Variants in SGCE observed in about 807,000 individuals in gnomAD.
SGCE encodes sarcoglycan epsilon.
In SGCE, 26 loss-of-function variants were observed where a neutral mutation model predicts 57.8. The observed-to-expected ratio is 0.45, with a 90% CI of 0.33 to 0.62. The LOEUF (loss-of-function observed/expected upper bound fraction) is 0.62. SGCE is among the 20% of genes least tolerant of loss of function. The pLI is 0.02. For synonymous variants in SGCE, 183 were observed against 189.5 expected (o/e 0.97, Z 0.28); for missense variants, 468 against 548.6 (o/e 0.85, Z 1.47).
intron 5 of SGCE, among the ~76,000 whole-genome samples, chr7:94,607,535 A>T (rs1363703579): frequency 2.0e-5 from 3 of 152,312 alleles, no homozygotes; most frequent in South Asian, 4.1e-4. Context: ...CAACAGGCTA[A>T]AGAAGAAAAA....
chr7:94,621,372 C>T (rs1802743310), intron 4 of SGCE: 1 of 152,344 alleles, frequency 6.6e-6, no homozygotes, highest in South Asian at 2.1e-4. Flanking sequence ...TCTACTACTC[C>T]TTCTCACTAG....
At chr7:94,597,159 T>C (rs1192443234) in intron 9 of SGCE, 1 of 152,134 alleles carries the variant, frequency 6.6e-6, no homozygotes, top group Non-Finnish European at 1.5e-5. Flanking sequence ...TAGACTTTAA[T>C]ATTTATATCC....
At chr7:94,614,584 C>T (rs1486384500) in intron 5 of SGCE, among the ~76,000 whole-genome samples, 2 of 152,140 alleles carry the variant, frequency 1.3e-5, no homozygotes, top group Non-Finnish European at 2.9e-5. Flanking sequence ...CCCTGCATAG[C>T]GTTCCCATTT....
chr7:94,587,511 T>A (rs935770713), intron 10 of SGCE: 150 of 1,297,622 alleles, frequency 1.2e-4, no homozygotes, highest in Non-Finnish European at 1.4e-4. Context: ...CTTTTAGAAA[T>A]TTTCCTTTTA....
rs559562203 is a variant in SGCE, at chr7:94,636,916, T to A, written c.110-7075A>T. On this transcript the variant is annotated intron_variant, in intron 1 of 10. Coordinates refer to ENST00000648936, the MANE Select transcript of SGCE (RefSeq NM_003919.3). ...CCATCTCTACTAAAAATACAAAAAA[T>A]TAGCAGGGCGTGGTGGTGGGTGCCT... is the stretch of plus-strand genomic sequence containing the variant. Among the ~76,000 whole-genome samples the A allele has an allele frequency of 1.6e-3, 249 of 151,996 alleles. 1 individual carries two copies. Among genetic ancestry groups the A allele is most frequent in the Non-Finnish European group, 3.3e-3 (227 of 67,952 alleles).
chr7:94,598,607 G>T, intron 9 of SGCE, 168 bp downstream of exon 9: 1 of 651,732 alleles, frequency 1.5e-6, no homozygotes, highest in South Asian at 1.8e-5. Flanking sequence ...AAAAGTAATT[G>T]TATTGTATAT....
intron 5 of SGCE, among the ~76,000 whole-genome samples, chr7:94,615,510 C>T (rs1298667840): frequency 6.6e-6 from 1 of 151,978 alleles, no homozygotes; most frequent in African/African-American, 2.4e-5. Flanking sequence ...TCCATCAGAC[C>T]AATATTGGGC....
intron 9 of SGCE, chr7:94,598,453 G>A (rs1279893636): frequency 6.8e-6 from 2 of 294,926 alleles, no homozygotes; most frequent in East Asian, 1.7e-4. Context: ...AATTTGAAAT[G>A]CTTAGGATAT....
intron 9 of SGCE, chr7:94,590,964 T>A (rs899066525): frequency 6.6e-6 from 1 of 152,148 alleles, no homozygotes; most frequent in Non-Finnish European, 1.5e-5. Context: ...AATGTTTCAG[T>A]TCCACTTTAA....
At chr7:94,599,588 AT>A in intron 8 of SGCE, 108 bp downstream of exon 8, 1 of 870,598 alleles carries the variant, frequency 1.1e-6, no homozygotes. Context: ...GAAATAAACT[AT>A]GAAAGATGAC....
chr7:94,632,975 T>G (rs1464660855), intron 1 of SGCE, among the ~76,000 whole-genome samples: 1 of 152,060 alleles, frequency 6.6e-6, no homozygotes, highest in African/African-American at 2.4e-5. Context: ...GCTTAAAGCA[T>G]GTTGTTTTCC....
intron 1 of SGCE, among the ~76,000 whole-genome samples, chr7:94,650,691 G>A (rs1435082514): frequency 3.3e-5 from 5 of 152,188 alleles, no homozygotes; most frequent in African/African-American, 1.2e-4. Flanking sequence ...CAAGAAAGGT[G>A]AATATTTCTG....
intron 1 of SGCE, among the ~76,000 whole-genome samples, chr7:94,655,742 G>T (rs564636381): frequency 8.8e-5 from 13 of 148,198 alleles, no homozygotes; most frequent in Non-Finnish European, 1.2e-4. Context: ...TTCTGCGCCC[G>T]CAGAGCAGGG....
At chr7:94,626,523 T>A (rs1283347035) in intron 3 of SGCE, 1 of 152,042 alleles carries the variant, frequency 6.6e-6, no homozygotes, top group Non-Finnish European at 1.5e-5. Context: ...AACGTGTATT[T>A]TCTCAATACA....
intron 1 of SGCE, among the ~76,000 whole-genome samples, chr7:94,634,891 A>G (rs553445536): frequency 6.6e-6 from 1 of 152,326 alleles, no homozygotes; most frequent in East Asian, 1.9e-4. Context: ...CCCATATATT[A>G]CATAACTGTG....
intron 10 of SGCE, chr7:94,586,995 A>G (rs1162844377): frequency 1.0e-6 from 1 of 984,330 alleles, no homozygotes; most frequent in Non-Finnish European, 1.2e-6. Context: ...TTGCAGAAAA[A>G]TGTAAGAAAA....
At chr7:94,626,334 C>T (rs1173118706) in intron 3 of SGCE, 1 of 152,010 alleles carries the variant, frequency 6.6e-6, no homozygotes, top group Non-Finnish European at 1.5e-5. Context: ...TCTTACTTAA[C>T]AAATCCTTCC....
intron 1 of SGCE, among the ~76,000 whole-genome samples, chr7:94,654,134 A>T (rs1584794454): frequency 6.6e-6 from 1 of 152,104 alleles, no homozygotes; most frequent in Admixed American, 6.5e-5. Flanking sequence ...CCTTTTCTTT[A>T]GAGTTTTCTA....
chr7:94,604,058 T>C (rs1252590949), intron 5 of SGCE, among the ~76,000 whole-genome samples: 4 of 152,098 alleles, frequency 2.6e-5, no homozygotes, highest in African/African-American at 9.7e-5. Context: ...GGTAAAACTA[T>C]TGTTTGGTAA....
Sources: gnomAD v4.1 joint callset for allele counts (sites outside exome capture counted in the v4.1 genomes callset) on GRCh38, gnomAD v4.1.1 for gene constraint, MANE v1.5 for transcripts, NCBI Gene and HGNC (gene_info 2026-07-23, HGNC 2026-07-21) for gene names.